The following PGBD5 variants were observed in gnomAD, a reference collection of about 807,000 sequenced individuals.
PGBD5 encodes the protein piggyBac transposable element-derived protein 5.
Under a neutral mutation model 47.9 loss-of-function variants are expected in PGBD5, and 14 were observed. The ratio of observed to expected loss-of-function variants is 0.29; its 90% CI spans 0.19 to 0.46. PGBD5 has a LOEUF of 0.46. PGBD5 is among the 20% of genes least tolerant of loss of function. The pLI, the probability that PGBD5 is intolerant of heterozygous loss-of-function variation, is 1.00. For missense variants in PGBD5, 635 were observed against 716.0 expected (o/e 0.89, Z 1.29); for synonymous variants, 316 against 306.3 (o/e 1.03, Z -0.33).
At chr1:230,332,094 G>A (rs1263860779) in intron 5 of PGBD5, among the ~76,000 whole-genome samples, 1 of 2,392 alleles carries the variant, frequency 4.2e-4, no homozygotes, top group Non-Finnish European at 9.4e-4. Flanking sequence ...ACGTACATGT[G>A]AGAGCACAAA....
At chr1:230,355,197 C>T (rs577548980) in intron 2 of PGBD5, among the ~76,000 whole-genome samples, 2 of 152,358 alleles carry the variant, frequency 1.3e-5, no homozygotes, top group Non-Finnish European at 2.9e-5. Context: ...TACTTGCCCA[C>T]CTGCAGTCCA....
Position 230,319,126 on chromosome 1 carries a change from C to T in PGBD5, c.*4299G>A, listed in dbSNP as rs1045854579. ...ACAGCAGTTAGGACGCGGCCTCCTGCGTCAGGCAAACCCGGGTCTGCTTAC... is the reference window on the plus strand; with the variant it reads ...ACAGCAGTTAGGACGCGGCCTCCTGTGTCAGGCAAACCCGGGTCTGCTTAC... On this transcript the variant is annotated 3_prime_UTR_variant, in exon 7 of 7. Coordinates refer to ENST00000391860, the MANE Select transcript of PGBD5 (RefSeq NM_001258311.2). The T allele has an allele frequency of 6.6e-6, 1 of 152,252 alleles. No homozygotes were observed. The highest frequency in any genetic ancestry group is 2.4e-5 in the African/African-American group (1 of 41,450). 9.4% of individuals were successfully genotyped at this position (152,252 alleles called of 1,614,324 possible). A position where few individuals can be genotyped will look rare whatever the true frequency, so the allele number is the denominator to read the frequency against.
At chr1:230,422,780 T>G (rs1657682980) in intron 1 of PGBD5, among the ~76,000 whole-genome samples, 1 of 151,992 alleles carries the variant, frequency 6.6e-6, no homozygotes, top group Non-Finnish European at 1.5e-5. Context: ...GCCTGAAGAA[T>G]GGCGAGGATT....
At position 230,316,476 on chromosome 1, in the gene PGBD5, T is replaced by C. The variant is rs972972005; in HGVS notation, c.*6949A>G. 3 of 152,238 alleles carry C rather than the reference T, an allele frequency of 2.0e-5. No individual in the cohort carries two copies. The highest frequency in any genetic ancestry group is 1.3e-4 in the Admixed American group (2 of 15,288). 9.4% of individuals were successfully genotyped at this position (152,238 alleles called of 1,614,324 possible). On this transcript the variant is annotated 3_prime_UTR_variant, in exon 7 of 7. Coordinates refer to ENST00000391860, the MANE Select transcript of PGBD5 (RefSeq NM_001258311.2). ...CTGCATCCCCTGCTTCCATCCCCTGTTCATTCCTTCCGTGGTCTACCCACT... is the reference window on the plus strand; with the variant it reads ...CTGCATCCCCTGCTTCCATCCCCTGCTCATTCCTTCCGTGGTCTACCCACT...
rs746541408 is a variant in PGBD5 at position 230,337,184 on chromosome 1, C to A, written c.999G>T (p.Ala333=). ...SMVARSLCRN[A]AGKNYIIFTG... ...TGAAAATGATGTAGTTCTTGCCTGCCGCGTTCCGGCACAGGCTCCTGGCCA... is the reference window on the plus strand; with the variant it reads ...TGAAAATGATGTAGTTCTTGCCTGCAGCGTTCCGGCACAGGCTCCTGGCCA... Residue 333 remains alanine (A), a synonymous_variant, in exon 4 of 7, where the codon GCG becomes GCT. Coordinates refer to ENST00000391860, the MANE Select transcript of PGBD5 (RefSeq NM_001258311.2). The A allele has an allele frequency of 6.2e-6, 10 of 1,614,088 alleles. No individual in the cohort carries two copies. The highest frequency in any genetic ancestry group is 8.5e-6 in the Non-Finnish European group (10 of 1,180,056).
chr1:230,398,111 G>C lies in PGBD5; in HGVS notation c.331+27487C>G, dbSNP rs1657044491. Among the ~76,000 whole-genome samples, 4 of 152,186 alleles carry C rather than the reference G, an allele frequency of 2.6e-5. No individual in the cohort carries two copies. In the South Asian group the frequency reaches 8.3e-4, roughly 32 times the overall value. ...GCAAAAGGCTGAGTGGCACAGAGCT[G>C]AGACCGCTCCATCTGAACCCCCAGA... On this transcript the variant is annotated intron_variant, in intron 1 of 6. Coordinates refer to ENST00000391860, the MANE Select transcript of PGBD5 (RefSeq NM_001258311.2).
intron 4 of PGBD5, among the ~76,000 whole-genome samples, chr1:230,334,645 A>C (rs1332669892): frequency 6.6e-6 from 1 of 152,168 alleles, no homozygotes; most frequent in Non-Finnish European, 1.5e-5. Flanking sequence ...CTGTGTCCTG[A>C]GGAGGCACGG....
Position 230,323,758 on chromosome 1 carries a change from G to A in PGBD5, c.1380-138C>T. On this transcript the variant is annotated intron_variant, in intron 6 of 6. Coordinates refer to ENST00000391860, the MANE Select transcript of PGBD5 (RefSeq NM_001258311.2). This position sits in a 1 kb window ranked among gnomAD's most constrained non-coding sequence, Gnocchi z 4.1. ...CAGAAGCAGGAGGGCTATGGGGGCA[G>A]GAGTCAGGCTTGGGATGTTAGGTGA... 5 of 769,138 alleles carry A rather than the reference G, an allele frequency of 6.5e-6. No homozygotes were observed. Among genetic ancestry groups the A allele is most frequent in the Non-Finnish European group, 1.0e-5 (5 of 483,016 alleles). The allele number at this position is 769,138 out of a possible 1,614,324, so 47.6% of individuals were successfully genotyped here.
At chr1:230,347,608 T>A (rs1458217554) in intron 3 of PGBD5, among the ~76,000 whole-genome samples, 17 of 151,608 alleles carry the variant, frequency 1.1e-4, no homozygotes. Flanking sequence ...GCCTCCCAAG[T>A]ATCTGGGATT....
intron 1 of PGBD5, among the ~76,000 whole-genome samples, chr1:230,399,861 C>T (rs1657091846): frequency 6.6e-6 from 1 of 152,240 alleles, no homozygotes. Flanking sequence ...GTCCTAGCTT[C>T]ACAACACGTC....
chr1:230,362,690 G>A (rs1667767155), intron 1 of PGBD5, among the ~76,000 whole-genome samples: 1 of 152,182 alleles, frequency 6.6e-6, no homozygotes, highest in Non-Finnish European at 1.5e-5. Flanking sequence ...AGAGGTCAGG[G>A]TTGGTGTGTT....
chr1:230,373,443 G>C (rs1667960687), intron 1 of PGBD5, among the ~76,000 whole-genome samples: 3 of 152,318 alleles, frequency 2.0e-5, no homozygotes, highest in Admixed American at 6.5e-5. Context: ...CCATGGGTGA[G>C]GGGGACGAGG....
chr1:230,377,436 T>C, intron 1 of PGBD5: 1 of 1,547,938 alleles, frequency 6.5e-7, no homozygotes, highest in East Asian at 2.3e-5. Flanking sequence ...AAGATGCCAA[T>C]AACACATGGA....
At chr1:230,329,098 C>T (rs988478158) in intron 5 of PGBD5, among the ~76,000 whole-genome samples, 1 of 142,892 alleles carries the variant, frequency 7.0e-6, no homozygotes, top group Non-Finnish European at 1.5e-5. Context: ...ACTACAGCTA[C>T]GCCATGCCCA....
chr1:230,372,080 G>C (rs1667937630), intron 1 of PGBD5, among the ~76,000 whole-genome samples: 1 of 152,186 alleles, frequency 6.6e-6, no homozygotes, highest in Non-Finnish European at 1.5e-5. Context: ...ATAGCAAGCA[G>C]GTCTTTTAGG....
intron 1 of PGBD5, among the ~76,000 whole-genome samples, chr1:230,392,751 T>C (rs1287527678): frequency 1.3e-5 from 2 of 152,252 alleles, no homozygotes; most frequent in Middle Eastern, 3.4e-3. Context: ...CACCTCACAA[T>C]GGAGATACAA....
chr1:230,383,553 G>A (rs1438710820), intron 1 of PGBD5, among the ~76,000 whole-genome samples: 2 of 152,012 alleles, frequency 1.3e-5, no homozygotes, highest in Non-Finnish European at 2.9e-5. Context: ...TGTATTTTTT[G>A]TAGAGATAGG....
chr1:230,374,902 G>C (rs770134803), intron 1 of PGBD5, among the ~76,000 whole-genome samples: 8 of 152,188 alleles, frequency 5.3e-5, no homozygotes, highest in Non-Finnish European at 1.0e-4. Context: ...TTAAATAGGA[G>C]GCCACAGGAG....
At chr1:230,397,029 T>C (rs1197222554) in intron 1 of PGBD5, among the ~76,000 whole-genome samples, 1 of 152,240 alleles carries the variant, frequency 6.6e-6, no homozygotes, top group Non-Finnish European at 1.5e-5. Flanking sequence ...AGGTGCACTG[T>C]TGTCACTGGA....
Sources: allele counts gnomAD v4.1 joint callset (sites outside exome capture counted in the v4.1 genomes callset), GRCh38; gene constraint gnomAD v4.1.1; non-coding constraint Gnocchi (gnomAD v3.1); transcripts MANE v1.5; gene names NCBI Gene and HGNC (gene_info 2026-07-23, HGNC 2026-07-21).